SNX29: variants seen among roughly 807,000 people sequenced by gnomAD.
The protein encoded by SNX29 is sorting nexin-29.
Under a neutral mutation model 102.1 loss-of-function variants are expected in SNX29, and 78 were observed. The observed-to-expected ratio is 0.76, with a 90% CI of 0.64 to 0.92. The LOEUF is 0.92. Among genes scored for constraint, SNX29 ranks in the 40% least tolerant of loss-of-function variants. The pLI, the probability that SNX29 is intolerant of heterozygous loss-of-function variation, is 0.00. For missense variants in SNX29, 1,280 were observed against 1,061.7 expected (o/e 1.21, Z -2.86); for synonymous variants, 580 against 414.5 (o/e 1.40, Z -4.85).
chr16:12,026,183 T>G (rs2057186838), intron 3 of SNX29, among the ~76,000 whole-genome samples: 1 of 152,224 alleles, frequency 6.6e-6, no homozygotes, highest in African/African-American at 2.4e-5. Context: ...CCTGCTGCCC[T>G]TGTCATATCC....
chr16:12,382,317 C>T lies in SNX29; in HGVS notation c.1900-16129C>T, dbSNP rs11075065. Among the ~76,000 whole-genome samples the T allele has an allele frequency of 4.8e-3, 723 of 152,072 alleles. 7 individuals are homozygous for T. Among genetic ancestry groups the T allele is most frequent in the South Asian group, 0.035 (167 of 4,820 alleles). On this transcript the variant is annotated intron_variant, in intron 16 of 20. Coordinates refer to ENST00000566228, the MANE Select transcript of SNX29 (RefSeq NM_032167.5). Reference sequence around the variant, plus strand: ...AAGATAGCAGAGTCATGGTGTGAACCTTGCTCCGTCGGACCCCACAGCCAT... The same window carrying T: ...AAGATAGCAGAGTCATGGTGTGAACTTTGCTCCGTCGGACCCCACAGCCAT...
At chr16:12,350,624 G>A (rs2081967265) in intron 15 of SNX29, among the ~76,000 whole-genome samples, 1 of 152,132 alleles carries the variant, frequency 6.6e-6, no homozygotes, top group Non-Finnish European at 1.5e-5. Flanking sequence ...ACAAGTGGAG[G>A]AGCTTCTGCA....
At chr16:12,264,950 T>G (rs989320680) in intron 14 of SNX29, among the ~76,000 whole-genome samples, 15 of 152,176 alleles carry the variant, frequency 9.9e-5, no homozygotes, top group Non-Finnish European at 1.5e-5. Context: ...ACTACATGCA[T>G]TTCTGTTACT....
intron 13 of SNX29, among the ~76,000 whole-genome samples, chr16:12,188,085 A>G (rs929285326): frequency 6.6e-6 from 1 of 152,212 alleles, no homozygotes; most frequent in African/African-American, 2.4e-5. Flanking sequence ...TCCCTAGGAG[A>G]AAATAGTCCT....
At chr16:12,107,249 A>G (rs1313324681) in intron 11 of SNX29, among the ~76,000 whole-genome samples, 2 of 151,930 alleles carry the variant, frequency 1.3e-5, no homozygotes, top group African/African-American at 4.8e-5. Flanking sequence ...TTCAGTTACT[A>G]CAGAAGAAGA....
At chr16:12,317,485 GGT>G (rs1459895063) in intron 15 of SNX29, among the ~76,000 whole-genome samples, 5 of 152,182 alleles carry the variant, frequency 3.3e-5, no homozygotes, top group Admixed American at 3.3e-4. Flanking sequence ...TTGAGAACCT[GGT>G]GGCCCTTCCT....
chr16:12,514,586 C>A (rs1297770655), intron 19 of SNX29, among the ~76,000 whole-genome samples: 1 of 151,990 alleles, frequency 6.6e-6, no homozygotes, highest in Admixed American at 6.6e-5. Context: ...CTCTCTTGGC[C>A]AGACATGGTG....
At chr16:11,995,131 T>G (rs997640789) in intron 1 of SNX29, among the ~76,000 whole-genome samples, 2 of 152,202 alleles carry the variant, frequency 1.3e-5, no homozygotes, top group Non-Finnish European at 2.9e-5. Flanking sequence ...ATTGGTGCAA[T>G]CTTGGCTCAC....
chr16:11,978,018 G>A (rs1235504720), intron 1 of SNX29, among the ~76,000 whole-genome samples: 1 of 152,112 alleles, frequency 6.6e-6, no homozygotes, highest in East Asian at 1.9e-4. Flanking sequence ...CAAGGCCAAG[G>A]GATACTGCTG....
At chr16:12,526,973 G>A (rs72773328) in intron 20 of SNX29, 28,867 of 399,314 alleles carry the variant, frequency 0.072, 1,438 homozygotes, top group Non-Finnish European at 0.1. Flanking sequence ...CAGAACACAG[G>A]GTTCGATTTA....
chr16:12,236,829 A>G (rs891755302), intron 14 of SNX29, among the ~76,000 whole-genome samples: 1 of 152,294 alleles, frequency 6.6e-6, no homozygotes, highest in Middle Eastern at 3.4e-3. Context: ...CCCCTAGTGG[A>G]TTCTGAGTTG....
intron 18 of SNX29, among the ~76,000 whole-genome samples, chr16:12,436,933 A>G (rs867715389): frequency 2.0e-5 from 3 of 152,156 alleles, no homozygotes; most frequent in Non-Finnish European, 2.9e-5. Context: ...GATTACAGGC[A>G]TGAGCCACCA....
intron 1 of SNX29, among the ~76,000 whole-genome samples, chr16:11,990,454 G>T (rs544993719): frequency 1.3e-5 from 2 of 152,254 alleles, no homozygotes; most frequent in South Asian, 4.1e-4. Context: ...CACTGCGGGG[G>T]TCCCTCCTGG....
At chr16:12,059,202 A>G (rs904610800) in intron 8 of SNX29, among the ~76,000 whole-genome samples, 1 of 152,172 alleles carries the variant, frequency 6.6e-6, no homozygotes, top group Non-Finnish European at 1.5e-5. Flanking sequence ...GAATTATCTT[A>G]GAAACCAGCA....
At chr16:12,542,036 T>C (rs538408483) in intron 20 of SNX29, among the ~76,000 whole-genome samples, 1 of 152,152 alleles carries the variant, frequency 6.6e-6, no homozygotes, top group Non-Finnish European at 1.5e-5. Context: ...TTTCTTTTTT[T>C]AATTAGTTTG....
intron 14 of SNX29, among the ~76,000 whole-genome samples, chr16:12,236,380 C>G (rs1033227087): frequency 6.6e-6 from 1 of 152,182 alleles, no homozygotes; most frequent in Non-Finnish European, 1.5e-5. Flanking sequence ...TCTTTTTGTA[C>G]TTTCATTTCT....
intron 15 of SNX29, among the ~76,000 whole-genome samples, chr16:12,315,978 C>G (rs1308234041): frequency 2.6e-5 from 4 of 152,214 alleles, no homozygotes; most frequent in Non-Finnish European, 5.9e-5. Flanking sequence ...GAGATAGACA[C>G]TCAACAGATA....
intron 15 of SNX29, among the ~76,000 whole-genome samples, chr16:12,309,619 A>T (rs1001428028): frequency 2.0e-5 from 3 of 152,164 alleles, no homozygotes; most frequent in Admixed American, 1.3e-4. Context: ...GTCGTCACAT[A>T]GTAGGTCTTT....
At chr16:12,166,098 G>A (rs143829558) in intron 13 of SNX29, among the ~76,000 whole-genome samples, 98 of 152,330 alleles carry the variant, frequency 6.4e-4, no homozygotes, top group Non-Finnish European at 8.5e-4. Flanking sequence ...AGTCATTGCC[G>A]TTATCGTAAT....
Sources: allele counts gnomAD v4.1 joint callset (sites outside exome capture counted in the v4.1 genomes callset), GRCh38; gene constraint gnomAD v4.1.1; transcripts MANE v1.5; gene names NCBI Gene and HGNC (gene_info 2026-07-23, HGNC 2026-07-21).